Variants in CHSY3 observed in about 807,000 individuals in gnomAD.
CHSY3 encodes the protein N-acetylgalactosaminyl-proteoglycan 3-beta-glucuronosyltransferase 3.
CHSY3 carries 35 observed loss-of-function variants against 67.2 expected under a neutral mutation model. The ratio of observed to expected loss-of-function variants is 0.52; its 90% CI spans 0.40 to 0.69. The LOEUF (loss-of-function observed/expected upper bound fraction) is 0.69. CHSY3 is among the 30% of genes least tolerant of loss of function. The pLI, the probability that CHSY3 is intolerant of heterozygous loss-of-function variation, is 0.00. For missense variants in CHSY3, 1,069 were observed against 1,138.5 expected, an observed-to-expected ratio of 0.94 and a Z score of 0.88; for synonymous variants, 474 against 434.7, an observed-to-expected ratio of 1.09 and a Z score of -1.12.
intron 2 of CHSY3, among the ~76,000 whole-genome samples, chr5:130,072,100 C>T (rs1007409139): frequency 6.6e-6 from 1 of 151,808 alleles, no homozygotes; most frequent in African/African-American, 2.4e-5. Flanking sequence ...TTTATATTAA[C>T]CCCTTATCAG....
chr5:130,175,258 T>C (rs1689786260), intron 2 of CHSY3, among the ~76,000 whole-genome samples: 1 of 152,184 alleles, frequency 6.6e-6, no homozygotes, highest in Admixed American at 6.6e-5. Context: ...CATTCACAAT[T>C]GCTACTAAGA....
intron 2 of CHSY3, among the ~76,000 whole-genome samples, chr5:129,982,045 A>G (rs1419501436): frequency 6.6e-6 from 1 of 152,198 alleles, no homozygotes. Context: ...TGAGACAGAT[A>G]TGAATTGGTT....
Position 129,924,595 on chromosome 5 carries a change from G to A in CHSY3, c.1086+16235G>A, listed in dbSNP as rs562218938. Among the ~76,000 whole-genome samples, 6 of 149,652 alleles carry A rather than the reference G, an allele frequency of 4.0e-5. No individual in the cohort carries two copies. The South Asian group carries it at 8.4e-4, about 21-fold the overall frequency. ...TGGGAGGCAGAGGTTGCAGTGAGCC[G>A]AGATCATGCCACTGCACTCCATCCT... On this transcript the variant is annotated intron_variant, in intron 2 of 2. Coordinates refer to ENST00000305031, the MANE Select transcript of CHSY3 (RefSeq NM_175856.5).
chr5:130,142,386 C>G (rs1210885777), intron 2 of CHSY3, among the ~76,000 whole-genome samples: 2 of 152,118 alleles, frequency 1.3e-5, no homozygotes, highest in Non-Finnish European at 2.9e-5. Flanking sequence ...CATTTATTCT[C>G]CAAAGTAAGA....
chr5:130,177,133 T>C (rs960075572), intron 2 of CHSY3, among the ~76,000 whole-genome samples: 2 of 151,880 alleles, frequency 1.3e-5, no homozygotes, highest in African/African-American at 4.8e-5. Context: ...ATCCTGTCCT[T>C]GACTCCCTAT....
intron 2 of CHSY3, among the ~76,000 whole-genome samples, chr5:130,130,861 A>G (rs1401016890): frequency 2.6e-5 from 4 of 152,188 alleles, no homozygotes; most frequent in South Asian, 2.1e-4. Flanking sequence ...CATTCCCTGT[A>G]TCATGTTTCC....
chr5:130,182,897 G>T (rs1770292287), intron 2 of CHSY3, among the ~76,000 whole-genome samples: 1 of 147,670 alleles, frequency 6.8e-6, no homozygotes. Flanking sequence ...TTTTTCCTTA[G>T]CCCTGCCAGT....
chr5:130,112,512 A>G (rs1767620859), intron 2 of CHSY3, among the ~76,000 whole-genome samples: 2 of 152,044 alleles, frequency 1.3e-5, no homozygotes, highest in Non-Finnish European at 2.9e-5. Context: ...GAACCACTAC[A>G]CTGTCTACAC....
chr5:130,175,582 A>G (rs150510507), intron 2 of CHSY3, among the ~76,000 whole-genome samples: 2 of 152,234 alleles, frequency 1.3e-5, no homozygotes, highest in Admixed American at 1.3e-4. Context: ...AGCTGGAGGC[A>G]TCATGCTACC....
intron 2 of CHSY3, among the ~76,000 whole-genome samples, chr5:130,030,357 A>G (rs1245591853): frequency 1.3e-5 from 2 of 152,144 alleles, no homozygotes; most frequent in Admixed American, 6.6e-5. Flanking sequence ...CCTATGTCAG[A>G]GATGATACAC....
At chr5:130,014,824 G>A (rs971644097) in intron 2 of CHSY3, among the ~76,000 whole-genome samples, 1 of 152,040 alleles carries the variant, frequency 6.6e-6, no homozygotes, top group African/African-American at 2.4e-5. Flanking sequence ...AAGACTCCCA[G>A]AGCAATTACA....
intron 2 of CHSY3, among the ~76,000 whole-genome samples, chr5:130,055,766 A>G (rs1261369567): frequency 6.6e-6 from 1 of 152,028 alleles, no homozygotes; most frequent in Non-Finnish European, 1.5e-5. Flanking sequence ...TCAGTTTTCC[A>G]GGCGAAATGC....
intron 2 of CHSY3, among the ~76,000 whole-genome samples, chr5:130,146,226 A>G (rs1302270481): frequency 6.6e-6 from 1 of 152,206 alleles, no homozygotes; most frequent in Non-Finnish European, 1.5e-5. Context: ...TAATGGTTAA[A>G]GAAAATGTGG....
intron 2 of CHSY3, among the ~76,000 whole-genome samples, chr5:130,171,184 T>G (rs1561568763): frequency 1.3e-5 from 2 of 152,132 alleles, no homozygotes; most frequent in Admixed American, 6.5e-5. Context: ...GGAAGAGAAA[T>G]GTATAGATTT....
intron 2 of CHSY3, among the ~76,000 whole-genome samples, chr5:130,008,672 A>G (rs181617127): frequency 3.5e-4 from 53 of 152,326 alleles, no homozygotes; most frequent in Non-Finnish European, 6.8e-4. Context: ...GGCAATGAAG[A>G]TCATTGAAAT....
At chr5:130,090,099 C>T (rs545869902) in intron 2 of CHSY3, among the ~76,000 whole-genome samples, 9 of 152,244 alleles carry the variant, frequency 5.9e-5, no homozygotes, top group African/African-American at 2.2e-4. Flanking sequence ...ACCAAAACTT[C>T]AGCCTCTTAA....
chr5:130,183,910 CAAT>C (rs903480075), intron 2 of CHSY3, among the ~76,000 whole-genome samples: 9 of 151,556 alleles, frequency 5.9e-5, no homozygotes, highest in Non-Finnish European at 8.8e-5. Flanking sequence ...GTTCTCACCA[CAAT>C]AATAACTATG....
chr5:130,013,210 C>T (rs1764118667), intron 2 of CHSY3, among the ~76,000 whole-genome samples: 1 of 152,172 alleles, frequency 6.6e-6, no homozygotes, highest in South Asian at 2.1e-4. Flanking sequence ...GTACAGCCCC[C>T]CTCCTGGCTG....
intron 2 of CHSY3, among the ~76,000 whole-genome samples, chr5:130,065,564 T>A (rs777754491): frequency 1.6e-4 from 25 of 152,186 alleles, no homozygotes; most frequent in Admixed American, 6.6e-5. Context: ...CTTGGGTGAA[T>A]CTGAGAAACT....
Sources: gnomAD v4.1 joint callset for allele counts (sites outside exome capture counted in the v4.1 genomes callset) on GRCh38, gnomAD v4.1.1 for gene constraint, MANE v1.5 for transcripts, NCBI Gene and HGNC (gene_info 2026-07-23, HGNC 2026-07-21) for gene names.